SOX5: variants seen among roughly 807,000 people sequenced by gnomAD.
SOX5 encodes the protein transcription factor SOX-5.
In SOX5, 9 loss-of-function variants were observed where a neutral mutation model predicts 92.0. The ratio of observed to expected loss-of-function variants is 0.10; its 90% CI spans 0.06 to 0.17. SOX5 has a LOEUF of 0.17. SOX5 is among the 10% of genes least tolerant of loss of function. The pLI is 1.00. For missense variants in SOX5, 642 were observed against 944.5 expected (o/e 0.68, Z 4.20); for synonymous variants, 344 against 336.3 (o/e 1.02, Z -0.25).
intron 3 of SOX5, among the ~76,000 whole-genome samples, chr12:24,236,271 G>C (rs1431954233): frequency 1.3e-5 from 2 of 152,110 alleles, no homozygotes; most frequent in East Asian, 3.8e-4. Context: ...GAAAGAACTT[G>C]TGTCATTCTT....
intron 3 of SOX5, among the ~76,000 whole-genome samples, chr12:23,837,896 T>TATATTTATATTTATATAATATATAAGAC (rs1568210084): frequency 8.0e-5 from 9 of 112,682 alleles, no homozygotes; most frequent in Non-Finnish European, 1.3e-4. Flanking sequence ...ATATATAAGA[T>TATATTTATATTTATATAATATATAAGAC]ATATTTATAT....
chr12:23,761,380 A>G (rs2094558529), intron 3 of SOX5, among the ~76,000 whole-genome samples: 1 of 152,166 alleles, frequency 6.6e-6, no homozygotes, highest in Admixed American at 6.6e-5. Flanking sequence ...TACAAGATTT[A>G]GATCATTTTA....
At chr12:24,055,604 A>G (rs575244769) in intron 4 of SOX5, among the ~76,000 whole-genome samples, 37 of 152,206 alleles carry the variant, frequency 2.4e-4, no homozygotes, top group Non-Finnish European at 4.0e-4. Context: ...TTAAACACCA[A>G]AAGGGTTCTT....
At chr12:23,580,843 G>A (rs1826083128) in intron 9 of SOX5, among the ~76,000 whole-genome samples, 11 of 151,960 alleles carry the variant, frequency 7.2e-5, no homozygotes, top group Admixed American at 7.2e-4. Context: ...ATGAAAATTT[G>A]CAACAGATTA....
intron 2 of SOX5, among the ~76,000 whole-genome samples, chr12:24,293,390 T>C (rs1946833521): frequency 6.6e-6 from 1 of 152,222 alleles, no homozygotes; most frequent in Admixed American, 6.5e-5. Flanking sequence ...ATCTTTAATG[T>C]GAGGTAGTTA....
intron 3 of SOX5, among the ~76,000 whole-genome samples, chr12:23,783,779 G>A (rs2095327206): frequency 1.3e-5 from 2 of 152,072 alleles, no homozygotes; most frequent in African/African-American, 2.4e-5. Flanking sequence ...AATTGACATG[G>A]AACTGACAGG....
chr12:24,341,945 A>T (rs1459993213), intron 2 of SOX5, among the ~76,000 whole-genome samples: 1 of 152,122 alleles, frequency 6.6e-6, no homozygotes, highest in Non-Finnish European at 1.5e-5. Flanking sequence ...CTGGCTACTG[A>T]TAGTCTCCAT....
At chr12:23,875,243 A>C (rs376378603) in intron 2 of SOX5, among the ~76,000 whole-genome samples, 14 of 152,308 alleles carry the variant, frequency 9.2e-5, no homozygotes, top group Non-Finnish European at 1.8e-4. Context: ...AAACAGTAAC[A>C]CATAAAGAGG....
chr12:24,109,456 G>C (rs1023332380), intron 4 of SOX5, among the ~76,000 whole-genome samples: 10 of 152,080 alleles, frequency 6.6e-5, no homozygotes, highest in Admixed American at 3.9e-4. Context: ...GCCTCATTAA[G>C]GCTTCCTAAA....
At chr12:23,823,922 C>T (rs913754924) in intron 3 of SOX5, among the ~76,000 whole-genome samples, 3 of 152,162 alleles carry the variant, frequency 2.0e-5, no homozygotes, top group East Asian at 1.9e-4. Context: ...TTGATACTTG[C>T]GTATGCTTCA....
intron 3 of SOX5, among the ~76,000 whole-genome samples, chr12:23,788,195 A>G (rs2095414227): frequency 6.6e-6 from 1 of 152,024 alleles, no homozygotes; most frequent in Non-Finnish European, 1.5e-5. Flanking sequence ...AAAAGGCAGA[A>G]AAAGAAGGAC....
chr12:23,555,517 A>T (rs1243712600), intron 11 of SOX5, among the ~76,000 whole-genome samples: 1 of 152,062 alleles, frequency 6.6e-6, no homozygotes, highest in East Asian at 1.9e-4. Context: ...CTCCTTAAAA[A>T]CTCACACCAT....
At chr12:24,097,551 T>C (rs796234182) in intron 4 of SOX5, among the ~76,000 whole-genome samples, 22 of 152,064 alleles carry the variant, frequency 1.4e-4, no homozygotes, top group African/African-American at 5.3e-4. Flanking sequence ...TTTTTTTATA[T>C]GGTGTAAGGT....
chr12:24,262,859 T>G (rs1447213986), intron 3 of SOX5, among the ~76,000 whole-genome samples: 1 of 152,176 alleles, frequency 6.6e-6, no homozygotes, highest in East Asian at 1.9e-4. Context: ...AGTAGGCATA[T>G]CTGAAATGGG....
intron 4 of SOX5, among the ~76,000 whole-genome samples, chr12:24,191,360 G>C (rs936889605): frequency 6.6e-6 from 1 of 152,080 alleles, no homozygotes; most frequent in Admixed American, 6.6e-5. Context: ...TTTGGTTATC[G>C]GGTCTTTAAT....
intron 4 of SOX5, among the ~76,000 whole-genome samples, chr12:24,168,415 G>A (rs56276525): frequency 0.044 from 6,742 of 152,056 alleles, 213 homozygotes; most frequent in Middle Eastern, 0.082. Context: ...TAAAAAAATC[G>A]TCAACAGAAA....
At chr12:23,604,313 A>C (rs2074960949) in intron 9 of SOX5, 74 bp downstream of exon 9, 1 of 1,527,716 alleles carries the variant, frequency 6.5e-7, no homozygotes, top group African/African-American at 1.4e-5. Context: ...CTGGCATACA[A>C]TAGACATTTA....
intron 2 of SOX5, among the ~76,000 whole-genome samples, chr12:24,344,843 T>G (rs1238378730): frequency 6.6e-6 from 1 of 152,216 alleles, no homozygotes; most frequent in African/African-American, 2.4e-5. Flanking sequence ...ATATAGCATC[T>G]TATTGAAAAT....
chr12:23,912,376 T>C (rs1017335831), intron 1 of SOX5, among the ~76,000 whole-genome samples: 1 of 152,108 alleles, frequency 6.6e-6, no homozygotes, highest in Non-Finnish European at 1.5e-5. Context: ...TGTGGATAAA[T>C]TGGAACCATC....
Sources: gnomAD v4.1 joint callset for allele counts (sites outside exome capture counted in the v4.1 genomes callset) on GRCh38, gnomAD v4.1.1 for gene constraint, MANE v1.5 for transcripts, NCBI Gene and HGNC (gene_info 2026-07-23, HGNC 2026-07-21) for gene names.